The following RAB5B variants were observed in gnomAD, a reference collection of about 807,000 sequenced individuals.
The protein encoded by RAB5B is ras-related protein Rab-5B.
In RAB5B, 11 loss-of-function variants were observed where a neutral mutation model predicts 28.6. That is an observed-to-expected ratio of 0.38 (90% CI 0.24 to 0.64). RAB5B has a LOEUF of 0.64. Among genes scored for constraint, RAB5B ranks in the 30% least tolerant of loss-of-function variants. RAB5B has a pLI of 0.53. For synonymous variants in RAB5B, 93 were observed against 97.9 expected (o/e 0.95, Z 0.29); for missense variants, 169 against 265.6 (o/e 0.64, Z 2.53).
intron 1 of RAB5B, among the ~76,000 whole-genome samples, chr12:55,984,669 G>A (rs1368480920): frequency 3.3e-5 from 5 of 152,024 alleles, no homozygotes; most frequent in Admixed American, 1.3e-4. Context: ...TAGTGGAGAC[G>A]GGGTTTCACC....
rs748206537 is a variant in RAB5B at position 55,987,101 on chromosome 12, G to A, written c.141G>A (p.Glu47=). ...VLRFVKGQFH[E]YQESTIGAAF... is the part of the protein sequence containing the mutation. ...GTTTTGTCAAAGGGCAGTTCCATGA[G>A]TACCAGGAGAGCACCATTGGAGGTG... Residue 47 remains glutamate, a synonymous_variant, in exon 2 of 6, where the codon GAG becomes GAA. Coordinates refer to ENST00000360299, the MANE Select transcript of RAB5B (RefSeq NM_002868.4). 1 of 1,613,788 alleles carries A rather than the reference G, an allele frequency of 6.2e-7. No homozygotes were observed. The highest frequency in any genetic ancestry group is 1.7e-5 in the Admixed American group (1 of 60,004).
At chr12:55,992,064 C>A in intron 5 of RAB5B, 33 bp from the exon 6 acceptor site, 2 of 1,562,362 alleles carry the variant, frequency 1.3e-6, no homozygotes, top group Admixed American at 3.4e-5. Flanking sequence ...GTAAAGTCTA[C>A]CATACTTTGT....
chr12:55,992,440 C>T lies in RAB5B; in HGVS notation c.*228C>T, dbSNP rs747348867. On this transcript the variant is annotated 3_prime_UTR_variant, in exon 6 of 6. Transcript: ENST00000360299. Reference sequence around the variant, plus strand: ...CCCTACTCTGGGGCTTGGGGGTCAACTCCCCCCAGGACTTACCTTCCAAAA... The same window carrying T: ...CCCTACTCTGGGGCTTGGGGGTCAATTCCCCCCAGGACTTACCTTCCAAAA... 1 of 678,146 alleles carries T rather than the reference C, an allele frequency of 1.5e-6. No homozygotes were observed. The allele number at this position is 678,146 out of a possible 1,614,324, so 42.0% of individuals were successfully genotyped here. A position where few individuals can be genotyped will look rare whatever the true frequency, so the allele number is the denominator to read the frequency against.
intron 1 of RAB5B, among the ~76,000 whole-genome samples, chr12:55,982,850 A>G (rs1889846906): frequency 6.6e-6 from 1 of 152,042 alleles, no homozygotes; most frequent in Non-Finnish European, 1.5e-5. Context: ...GTCCATTCTA[A>G]CTCCCACATT....
chr12:55,987,199 T>A (rs911853555), intron 2 of RAB5B, 76 bp downstream of exon 2: 33 of 1,422,454 alleles, frequency 2.3e-5, no homozygotes, highest in Non-Finnish European at 3.1e-5. Flanking sequence ...CTTGCTCTGT[T>A]ACCCAGGCTG....
intron 1 of RAB5B, among the ~76,000 whole-genome samples, chr12:55,982,300 A>G (rs1486180968): frequency 6.6e-6 from 1 of 152,150 alleles, no homozygotes; most frequent in African/African-American, 2.4e-5. Flanking sequence ...TAGAAAATAA[A>G]TAATTGAATC....
At chr12:55,984,279 T>G (rs1222155719) in intron 1 of RAB5B, among the ~76,000 whole-genome samples, 1 of 151,342 alleles carries the variant, frequency 6.6e-6, no homozygotes, top group Non-Finnish European at 1.5e-5. Context: ...AACCTCCACC[T>G]CACAAGTTCA....
rs1350646222 is a variant in RAB5B at position 55,986,870 on chromosome 12, A to G, written c.-91A>G. The G allele has an allele frequency of 1.1e-6, 1 of 926,772 alleles. No individual in the cohort carries two copies. The highest frequency in any genetic ancestry group is 2.7e-5 in the East Asian group (1 of 37,470). The allele number at this position is 926,772 out of a possible 1,614,324, so 57.4% of individuals were successfully genotyped here. On this transcript the variant is annotated splice_region_variant and 5_prime_UTR_variant, in exon 2 of 6. Coordinates refer to ENST00000360299, the MANE Select transcript of RAB5B (RefSeq NM_002868.4). ...TTTATTCACTTTTTTTTCTTGCAGG[A>G]GTGTTGAAGCCTGGAAATCCCCTCC...
chr12:55,982,574 G>A (rs929169242), intron 1 of RAB5B, among the ~76,000 whole-genome samples: 2 of 151,938 alleles, frequency 1.3e-5, no homozygotes, highest in Non-Finnish European at 2.9e-5. Flanking sequence ...TATTACAGGC[G>A]TGAACCATGA....
chr12:55,975,790 CTTTTTTTTTTTT>C (rs1163535431), intron 1 of RAB5B, among the ~76,000 whole-genome samples: 2 of 115,142 alleles, frequency 1.7e-5, no homozygotes, highest in African/African-American at 3.5e-5. Flanking sequence ...CACTACATTT[CTTTTTTTTTTTT>C]TTTTTTTTTT....
chr12:55,984,040 C>T (rs1889883542), intron 1 of RAB5B, among the ~76,000 whole-genome samples: 1 of 151,718 alleles, frequency 6.6e-6, no homozygotes, highest in Admixed American at 6.6e-5. Context: ...CTACCCACCC[C>T]AGGTGGAGTC....
chr12:55,974,169 G>A (rs1889575295), intron 1 of RAB5B, 30 bp downstream of exon 1: 1 of 153,088 alleles, frequency 6.5e-6, no homozygotes, highest in Non-Finnish European at 1.5e-5. Flanking sequence ...CAAAGGGCAG[G>A]GGCGGAAGCG....
intron 1 of RAB5B, chr12:55,980,514 C>T (rs1889773172): frequency 1.6e-5 from 25 of 1,586,974 alleles, no homozygotes; most frequent in Non-Finnish European, 2.2e-5. Flanking sequence ...CTCCGGCCTC[C>T]TGACTTGAGC....
chr12:55,985,525 T>G (rs2136481889), intron 1 of RAB5B: 3 of 290,282 alleles, frequency 1.0e-5, no homozygotes, highest in South Asian at 2.8e-5. Context: ...AGAGTCAGGA[T>G]GATGAAATGT....
At position 55,996,255 on chromosome 12, in the gene RAB5B, C is replaced by G. The variant is rs185511541; in HGVS notation, c.*4043C>G. 4 of 151,862 alleles carry G rather than the reference C, an allele frequency of 2.6e-5. No individual in the cohort carries two copies. Among genetic ancestry groups the G allele is most frequent in the Admixed American group, 6.6e-5 (1 of 15,234 alleles). 9.4% of individuals were successfully genotyped at this position (151,862 alleles called of 1,614,324 possible). A position where few individuals can be genotyped will look rare whatever the true frequency, so the allele number is the denominator to read the frequency against. On this transcript the variant is annotated 3_prime_UTR_variant, in exon 6 of 6. Coordinates refer to ENST00000360299, the MANE Select transcript of RAB5B (RefSeq NM_002868.4). Reference sequence around the variant, plus strand: ...GATCTTTCAAAATTAAAGGTGAACACCTTCACTTAAACTGATTAAAATTGC... The same window carrying G: ...GATCTTTCAAAATTAAAGGTGAACAGCTTCACTTAAACTGATTAAAATTGC...
chr12:55,991,395 G>C lies in RAB5B; in HGVS notation c.474G>C (p.Leu158Phe). ...AQAYADDNSL[L>F]FMETSAKTAM... The stretch of plus-strand genomic sequence containing the variant: ...CATATGCAGATGACAACAGCTTATT[G>C]TTCATGGAGACTTCAGCCAAGACAG... Residue 158 changes from leucine (L) to phenylalanine (F), a missense_variant, in exon 5 of 6, where the codon TTG becomes TTC. Coordinates refer to ENST00000360299, the MANE Select transcript of RAB5B (RefSeq NM_002868.4). 1.2e-6 allele frequency: 2 copies of C among 1,614,080 alleles called. No individual in the cohort carries two copies. Among genetic ancestry groups the C allele is most frequent in the Non-Finnish European group, 1.7e-6 (2 of 1,179,986 alleles).
At chr12:55,985,245 C>G (rs965063815) in intron 1 of RAB5B, among the ~76,000 whole-genome samples, 1 of 152,102 alleles carries the variant, frequency 6.6e-6, no homozygotes, top group African/African-American at 2.4e-5. Context: ...GATTTTCTGT[C>G]TTTACGATCT....
At chr12:55,991,919 C>T in intron 5 of RAB5B, 178 bp from the exon 6 acceptor site, 2 of 563,868 alleles carry the variant, frequency 3.5e-6, no homozygotes, top group South Asian at 4.1e-5. Flanking sequence ...GAGCGAGACT[C>T]CATCTCAAAA....
chr12:55,989,813 AC>A, intron 2 of RAB5B, 133 bp from the exon 3 acceptor site: 2 of 1,096,496 alleles, frequency 1.8e-6, no homozygotes, highest in African/African-American at 1.5e-5. Flanking sequence ...AGAACTCAAA[AC>A]CTTTTCCTGT....
Sources: gnomAD v4.1 joint callset for allele counts (sites outside exome capture counted in the v4.1 genomes callset) on GRCh38, gnomAD v4.1.1 for gene constraint, MANE v1.5 for transcripts, NCBI Gene and HGNC (gene_info 2026-07-23, HGNC 2026-07-21) for gene names.